Variants in ASXL2 observed in about 807,000 individuals in gnomAD.
ASXL2 encodes ASXL transcriptional regulator 2.
A neutral mutation model predicts 122.0 loss-of-function variants in ASXL2; 23 were observed. That is an observed-to-expected ratio of 0.19 (90% CI 0.14 to 0.27). ASXL2 has a LOEUF of 0.27. Ranked by LOEUF, ASXL2 falls within the 10% of genes least tolerant of loss-of-function variation. The pLI is 1.00. For synonymous variants in ASXL2, 650 were observed against 637.0 expected, an observed-to-expected ratio of 1.02 and a Z score of -0.31; for missense variants, 1,518 against 1,713.8, an observed-to-expected ratio of 0.89 and a Z score of 2.02.
intron 1 of ASXL2, among the ~76,000 whole-genome samples, 181 bp from the exon 2 acceptor site, chr2:25,845,744 C>T (rs2089641608): frequency 6.6e-6 from 1 of 152,134 alleles, no homozygotes; most frequent in South Asian, 2.1e-4. Context: ...CTGTGACCTA[C>T]TGCAAGCACA....
At chr2:25,859,898 A>C (rs1024241072) in intron 1 of ASXL2, among the ~76,000 whole-genome samples, 1 of 152,086 alleles carries the variant, frequency 6.6e-6, no homozygotes, top group African/African-American at 2.4e-5. Flanking sequence ...TAAGTTTAAA[A>C]TATTTTGCCG....
intron 3 of ASXL2, among the ~76,000 whole-genome samples, chr2:25,823,934 G>A (rs559617002): frequency 6.6e-6 from 1 of 151,816 alleles, no homozygotes; most frequent in East Asian, 1.9e-4. Context: ...AAAAATTTGG[G>A]ATTATTTCTC....
intron 1 of ASXL2, among the ~76,000 whole-genome samples, chr2:25,866,423 T>G (rs1430958550): frequency 6.6e-6 from 1 of 152,126 alleles, no homozygotes; most frequent in Non-Finnish European, 1.5e-5. Flanking sequence ...CCACTGCGCC[T>G]GACAAAACTT....
chr2:25,827,400 TAATTTAGAAATTACTG>T (rs1261662951), intron 3 of ASXL2, among the ~76,000 whole-genome samples: 4 of 152,178 alleles, frequency 2.6e-5, no homozygotes, highest in Admixed American at 6.5e-5. Context: ...TTACGTTTGG[TAATTTAGAAATTACTG>T]AATTAATAAA....
chr2:25,811,053 A>AACACACAC (rs1239524692), intron 3 of ASXL2, among the ~76,000 whole-genome samples: 4 of 54,118 alleles, frequency 7.4e-5, no homozygotes, highest in Non-Finnish European at 1.6e-4. Context: ...AAAATACAAA[A>AACACACAC]ATACACACAC....
intron 5 of ASXL2, among the ~76,000 whole-genome samples, chr2:25,799,039 T>C (rs1376224314): frequency 1.3e-5 from 2 of 152,066 alleles, no homozygotes; most frequent in African/African-American, 2.4e-5. Flanking sequence ...AGGCTGTGCA[T>C]GTGGCGGGGG....
At chr2:25,803,466 G>A (rs542431902) in intron 4 of ASXL2, among the ~76,000 whole-genome samples, 1 of 152,252 alleles carries the variant, frequency 6.6e-6, no homozygotes, top group African/African-American at 2.4e-5. Context: ...GAAGGGGATG[G>A]GAGGGTACTG....
chr2:25,819,427 T>C (rs1258660548), intron 3 of ASXL2, among the ~76,000 whole-genome samples: 3 of 152,178 alleles, frequency 2.0e-5, no homozygotes, highest in Non-Finnish European at 2.9e-5. Flanking sequence ...ATGGTATCTT[T>C]ACAGTGAAGA....
chr2:25,763,912 T>C (rs1461718647), intron 8 of ASXL2, among the ~76,000 whole-genome samples: 1 of 152,174 alleles, frequency 6.6e-6, no homozygotes, highest in African/African-American at 2.4e-5. Context: ...ACACAGTCCA[T>C]GATATCTGAC....
In ASXL2 at chr2:25,767,656, G is replaced by C. The variant is rs745373255; in HGVS notation, c.702C>G (p.Ser234=). 6.2e-7 allele frequency: 1 copy of C among 1,613,962 alleles called. No homozygotes were observed. Among genetic ancestry groups the C allele is most frequent in the Admixed American group, 1.7e-5 (1 of 60,028 alleles). The part of the protein sequence containing the change: ...SPQNSNSSFS[S]SVKVENTLLG... Reference sequence around the variant, plus strand: ...GTAAAGTATTTTCCACTTTAACTGAGGAAGAAAAGCTGGAGTTTGAGTTTT... The same window carrying C: ...GTAAAGTATTTTCCACTTTAACTGACGAAGAAAAGCTGGAGTTTGAGTTTT... The change falls in exon 8 of 13, where the codon TCC becomes TCG. Residue 234 remains serine, a synonymous_variant. Coordinates refer to ENST00000435504, the MANE Select transcript of ASXL2 (RefSeq NM_018263.6).
At chr2:25,864,557 A>C (rs551971774) in intron 1 of ASXL2, among the ~76,000 whole-genome samples, 27 of 152,232 alleles carry the variant, frequency 1.8e-4, no homozygotes, top group Admixed American at 1.4e-3. Flanking sequence ...TGAACTATAA[A>C]AGGAAGAACA....
rs10579555 is a variant in ASXL2 at position 25,744,935 on chromosome 2, CCACACACACACACACACA to C, written c.1861-477_1861-460del. 1.4e-4 allele frequency among the ~76,000 whole-genome samples: 19 copies of C among 138,252 alleles called. No individual in the cohort carries two copies. The highest frequency in any genetic ancestry group is 8.8e-4 in the Admixed American group (12 of 13,682). 90.7% of individuals were successfully genotyped at this position (138,252 alleles called of 152,430 possible). ...GGGAAAATACTTGCTCTTCTCTGTT[CCACACACACACACACACA>C]CACACACACACACACACACACACAC... On this transcript the variant is annotated intron_variant, in intron 12 of 12. Transcript: ENST00000435504. The surrounding 1 kb of genome is among the most constrained non-coding windows in gnomAD (Gnocchi z 4.7).
chr2:25,878,115 G>A, intron 1 of ASXL2, 51 bp downstream of exon 1: 1 of 1,607,824 alleles, frequency 6.2e-7, no homozygotes, highest in Non-Finnish European at 8.5e-7. Flanking sequence ...ACTGGCGGGC[G>A]ACAAGGGAAC....
At chr2:25,814,282 C>A (rs1252253581) in intron 3 of ASXL2, among the ~76,000 whole-genome samples, 1 of 152,098 alleles carries the variant, frequency 6.6e-6, no homozygotes, top group Admixed American at 6.5e-5. Flanking sequence ...AGAAGCAAAA[C>A]AGGACACACT....
At position 25,838,659 on chromosome 2, in the gene ASXL2, C is replaced by A. The variant is rs149025177; in HGVS notation, c.141-3119G>T. ...GTCGGGAGAAACTTAAACTGGGGCACTAGGTGCTCTTTGTTTCTCTGCAAA... is the reference window on the plus strand; with the variant it reads ...GTCGGGAGAAACTTAAACTGGGGCAATAGGTGCTCTTTGTTTCTCTGCAAA... On this transcript the variant is annotated intron_variant, in intron 2 of 12. Coordinates refer to ENST00000435504, the MANE Select transcript of ASXL2 (RefSeq NM_018263.6). Among the ~76,000 whole-genome samples the A allele has an allele frequency of 2.2e-3, 328 of 152,274 alleles. 8 individuals carry two copies. The highest frequency in any genetic ancestry group is 0.015 in the Admixed American group (233 of 15,282).
Position 25,863,039 on chromosome 2 carries a change from G to A in ASXL2, c.57+15127C>T, listed in dbSNP as rs115387224. Among the ~76,000 whole-genome samples, 365 of 152,218 alleles carry A rather than the reference G, an allele frequency of 2.4e-3. 2 individuals carry two copies. The highest frequency in any genetic ancestry group is 8.4e-3 in the African/African-American group (348 of 41,518). ...ACCAAATTTTAAAATGCAAACTAAAGCAGCTCACAGCCGGGCACAGTGGCT... is the reference window on the plus strand; with the variant it reads ...ACCAAATTTTAAAATGCAAACTAAAACAGCTCACAGCCGGGCACAGTGGCT... On this transcript the variant is annotated intron_variant, in intron 1 of 12. Transcript: ENST00000435504.
At chr2:25,805,017 T>A (rs1383990930) in intron 4 of ASXL2, among the ~76,000 whole-genome samples, 1 of 152,064 alleles carries the variant, frequency 6.6e-6, no homozygotes, top group Non-Finnish European at 1.5e-5. Flanking sequence ...GCCACTGCAC[T>A]CCAGCCTGGG....
At chr2:25,857,212 C>G (rs1270520067) in intron 1 of ASXL2, among the ~76,000 whole-genome samples, 1 of 151,864 alleles carries the variant, frequency 6.6e-6, no homozygotes, top group Non-Finnish European at 1.5e-5. Context: ...TGTATCCAAC[C>G]CCAAAAGAGA....
chr2:25,765,597 G>T (rs1159893679), intron 8 of ASXL2, among the ~76,000 whole-genome samples: 1 of 152,078 alleles, frequency 6.6e-6, no homozygotes, highest in Non-Finnish European at 1.5e-5. Context: ...TTACTTCTCA[G>T]CCATTAGGTC....
Sources: allele counts gnomAD v4.1 joint callset (sites outside exome capture counted in the v4.1 genomes callset), GRCh38; gene constraint gnomAD v4.1.1; non-coding constraint Gnocchi (gnomAD v3.1); transcripts MANE v1.5; gene names NCBI Gene and HGNC (gene_info 2026-07-23, HGNC 2026-07-21).